Variants in WWP1 observed in about 807,000 individuals in gnomAD.
WWP1 encodes the protein WW domain containing E3 ubiquitin protein ligase 1, also known as NEDD4-like E3 ubiquitin-protein ligase WWP1.
Under a neutral mutation model 130.6 loss-of-function variants are expected in WWP1, and 49 were observed. The observed-to-expected ratio is 0.38, with a 90% CI of 0.30 to 0.48. The LOEUF (loss-of-function observed/expected upper bound fraction) is 0.48. WWP1 is among the 20% of genes least tolerant of loss of function. WWP1 has a pLI of 0.99. For synonymous variants in WWP1, 332 were observed against 367.8 expected (o/e 0.90, Z 1.11); for missense variants, 809 against 1,100.6 (o/e 0.74, Z 3.75).
intron 21 of WWP1, among the ~76,000 whole-genome samples, 155 bp from the exon 22 acceptor site, chr8:86,457,766 G>A (rs1811537838): frequency 6.6e-6 from 1 of 152,090 alleles, no homozygotes; most frequent in Admixed American, 6.6e-5. Flanking sequence ...AATTGCCACA[G>A]TTTTGTTATA....
At chr8:86,369,225 G>C (rs887129010) in intron 2 of WWP1, among the ~76,000 whole-genome samples, 194 bp downstream of exon 2, 2 of 152,134 alleles carry the variant, frequency 1.3e-5, no homozygotes, top group South Asian at 4.1e-4. Flanking sequence ...CAGTGTTACT[G>C]TAATGCTCAG....
At chr8:86,349,136 C>T (rs893607450) in intron 1 of WWP1, among the ~76,000 whole-genome samples, 4 of 152,172 alleles carry the variant, frequency 2.6e-5, no homozygotes, top group Non-Finnish European at 4.4e-5. Flanking sequence ...ATTCTCCTGC[C>T]TCAGCTTCCC....
intron 9 of WWP1, among the ~76,000 whole-genome samples, chr8:86,424,275 C>G (rs1809451552): frequency 6.6e-6 from 1 of 151,696 alleles, no homozygotes; most frequent in African/African-American, 2.4e-5. Context: ...CTCCTCACTT[C>G]CTGGACAGGA....
intron 1 of WWP1, among the ~76,000 whole-genome samples, chr8:86,347,899 C>G (rs1410685813): frequency 6.6e-6 from 1 of 152,000 alleles, no homozygotes; most frequent in Admixed American, 6.6e-5. Flanking sequence ...AAATGGGAAA[C>G]TTTGAGCCAC....
At chr8:86,365,798 T>C (rs1476520871) in intron 1 of WWP1, among the ~76,000 whole-genome samples, 1 of 152,178 alleles carries the variant, frequency 6.6e-6, no homozygotes, top group African/African-American at 2.4e-5. Context: ...CCTGTCTCTA[T>C]TTATATATAA....
intron 1 of WWP1, among the ~76,000 whole-genome samples, chr8:86,349,408 G>A (rs1822787273): frequency 6.6e-6 from 1 of 152,180 alleles, no homozygotes; most frequent in African/African-American, 2.4e-5. Context: ...CACAAATCTA[G>A]CCCAGGTTCA....
intron 14 of WWP1, 34 bp from the exon 15 acceptor site, chr8:86,435,418 T>G: frequency 8.9e-5 from 142 of 1,600,274 alleles, no homozygotes; most frequent in Non-Finnish European, 1.1e-4. Flanking sequence ...AACTTTATTA[T>G]GAGTTAATTT....
intron 1 of WWP1, among the ~76,000 whole-genome samples, chr8:86,354,816 TGA>T (rs914074161): frequency 1.3e-5 from 2 of 152,100 alleles, no homozygotes; most frequent in African/African-American, 4.8e-5. Context: ...TTAGAGTAGT[TGA>T]GAGTGTGGTT....
At chr8:86,428,741 A>G (rs2130662559) in intron 11 of WWP1, among the ~76,000 whole-genome samples, 1 of 152,234 alleles carries the variant, frequency 6.6e-6, no homozygotes, top group East Asian at 1.9e-4. Context: ...CATGACTTGT[A>G]CAGAAATCTG....
chr8:86,448,581 C>A, intron 20 of WWP1, 68 bp downstream of exon 20: 1 of 1,429,134 alleles, frequency 7.0e-7, no homozygotes, highest in East Asian at 2.4e-5. Flanking sequence ...TCTCTGTACC[C>A]TTAATTTCAT....
intron 17 of WWP1, 56 bp downstream of exon 17, chr8:86,438,729 G>A: frequency 7.3e-7 from 1 of 1,377,002 alleles, no homozygotes; most frequent in Middle Eastern, 2.0e-4. Flanking sequence ...TGTATACAGG[G>A]AAAGTATTCT....
chr8:86,430,572 C>A (rs1411619774), intron 11 of WWP1, 125 bp from the exon 12 acceptor site: 1 of 679,656 alleles, frequency 1.5e-6, no homozygotes, highest in Non-Finnish European at 2.2e-6. Context: ...CCACTGCGCC[C>A]AACCCCTTAT....
chr8:86,448,123 T>A, intron 18 of WWP1, 25 bp from the exon 19 acceptor site: 1 of 1,536,040 alleles, frequency 6.5e-7, no homozygotes, highest in Non-Finnish European at 8.7e-7. Context: ...AAATTTTAAA[T>A]AAAATTTTTC....
At chr8:86,449,169 C>T (rs1376143429) in intron 20 of WWP1, among the ~76,000 whole-genome samples, 1 of 152,122 alleles carries the variant, frequency 6.6e-6, no homozygotes, top group East Asian at 1.9e-4. Context: ...TTCTTTAAAT[C>T]TCCTATTTCC....
At chr8:86,371,596 AT>A (rs1563473573) in intron 2 of WWP1, among the ~76,000 whole-genome samples, 2 of 152,134 alleles carry the variant, frequency 1.3e-5, no homozygotes, top group African/African-American at 4.8e-5. Context: ...GAGATTCAAC[AT>A]TGTTTCATGT....
chr8:86,409,459 C>T (rs1300013480), intron 8 of WWP1, among the ~76,000 whole-genome samples: 4 of 150,364 alleles, frequency 2.7e-5, no homozygotes, highest in African/African-American at 9.7e-5. Context: ...TGGTCTCAAA[C>T]TCCTGACCTC....
intron 1 of WWP1, among the ~76,000 whole-genome samples, chr8:86,365,949 G>A (rs934175322): frequency 1.3e-5 from 2 of 152,224 alleles, no homozygotes; most frequent in Non-Finnish European, 2.9e-5. Context: ...AGATAGAAGT[G>A]AAAAGTGATA....
chr8:86,440,258 A>G (rs1205877945), intron 17 of WWP1, among the ~76,000 whole-genome samples: 2 of 152,228 alleles, frequency 1.3e-5, no homozygotes, highest in Non-Finnish European at 2.9e-5. Flanking sequence ...GTTTTAATGA[A>G]TATAGCTAGT....
intron 5 of WWP1, among the ~76,000 whole-genome samples, chr8:86,381,924 A>G (rs894983092): frequency 2.0e-5 from 3 of 152,178 alleles, no homozygotes; most frequent in African/African-American, 7.2e-5. Flanking sequence ...GAAAATTATC[A>G]TTACATGACC....
Sources: allele counts gnomAD v4.1 joint callset (sites outside exome capture counted in the v4.1 genomes callset), GRCh38; gene constraint gnomAD v4.1.1; transcripts MANE v1.5; gene names NCBI Gene and HGNC (gene_info 2026-07-23, HGNC 2026-07-21).